Variants in FKBP5 observed in about 807,000 individuals in gnomAD.
FKBP5 encodes the protein peptidyl-prolyl cis-trans isomerase FKBP5.
FKBP5 carries 23 observed loss-of-function variants against 50.5 expected under a neutral mutation model. The observed-to-expected ratio is 0.46, with a 90% CI of 0.33 to 0.65. The LOEUF (loss-of-function observed/expected upper bound fraction) is 0.65, where lower values mean the gene tolerates loss of function less well. FKBP5 is among the 30% of genes least tolerant of loss of function. The pLI is 0.02. For missense variants in FKBP5, 411 were observed against 553.1 expected (o/e 0.74, Z 2.58); for synonymous variants, 176 against 190.6 (o/e 0.92, Z 0.63).
intron 6 of FKBP5, 128 bp downstream of exon 6, chr6:35,597,120 C>A (rs1763003481): frequency 2.1e-6 from 2 of 973,338 alleles, no homozygotes; most frequent in East Asian, 4.8e-5. Flanking sequence ...TGACTAACTG[C>A]AGCCTGATTT....
intron 1 of FKBP5, among the ~76,000 whole-genome samples, chr6:35,728,007 A>C (rs1324356906): frequency 2.0e-5 from 3 of 152,146 alleles, no homozygotes; most frequent in Non-Finnish European, 4.4e-5. Flanking sequence ...GTGCAATCGC[A>C]TGGTTGCGGC....
At chr6:35,727,416 GT>G (rs1766737049) in intron 1 of FKBP5, among the ~76,000 whole-genome samples, 1 of 152,156 alleles carries the variant, frequency 6.6e-6, no homozygotes, top group African/African-American at 2.4e-5. Flanking sequence ...GTTTGGGGTC[GT>G]CTTCCTTGGC....
chr6:35,719,607 C>CT (rs142859908), intron 2 of FKBP5, among the ~76,000 whole-genome samples: 3,134 of 152,314 alleles, frequency 0.021, 88 homozygotes, highest in African/African-American at 0.065. Flanking sequence ...CCTGGTGCCC[C>CT]TGTGTAGTCC....
At chr6:35,610,068 A>G (rs984674352) in intron 5 of FKBP5, among the ~76,000 whole-genome samples, 1 of 152,104 alleles carries the variant, frequency 6.6e-6, no homozygotes, top group Non-Finnish European at 1.5e-5. Flanking sequence ...AAGCAGTTGG[A>G]TATGTTTCCA....
chr6:35,585,773 T>TATAACATATTGC (rs1173911408), intron 8 of FKBP5: 1 of 985,168 alleles, frequency 1.0e-6, no homozygotes, highest in African/African-American at 1.7e-5. Flanking sequence ...AACTGATCCT[T>TATAACATATTGC]ATAACATATT....
chr6:35,705,258 ATTTTTTTT>A (rs199875825), intron 2 of FKBP5, among the ~76,000 whole-genome samples: 159 of 7,516 alleles, frequency 0.021, no homozygotes, highest in Middle Eastern at 0.17. Flanking sequence ...ATATATATAT[ATTTTTTTT>A]TTTTTTTTTT....
Position 35,626,186 on chromosome 6 carries a change from A to G in FKBP5, c.251-5912T>C, listed in dbSNP as rs1176110254. ...ATTTGTAATAAAATATAAAACAAGA[A>G]TATATATGTATACAAATGTATAATA... On this transcript the variant is annotated intron_variant, in intron 3 of 10. Coordinates refer to ENST00000357266, the MANE Select transcript of FKBP5 (RefSeq NM_004117.4). Among the ~76,000 whole-genome samples, 8 of 152,326 alleles carry G rather than the reference A, an allele frequency of 5.3e-5. No individual in the cohort carries two copies. In the South Asian group the frequency reaches 1.2e-3, roughly 24 times the overall value.
In FKBP5 at chr6:35,704,800, T is replaced by C. The variant is rs549263014; in HGVS notation, c.-20+15528A>G. ...CTATGAAAATTCTGAAAAAGAATTA[T>C]AGCCCTACCAGAGATGATAACATAG... On this transcript the variant is annotated intron_variant, in intron 2 of 11. Coordinates refer to the FKBP5 transcript ENST00000536438. 2.6e-5 allele frequency among the ~76,000 whole-genome samples: 4 copies of C among 152,216 alleles called. No homozygotes were observed. In the East Asian group the frequency reaches 5.8e-4, roughly 22 times the overall value.
In FKBP5 at chr6:35,575,733, C is replaced by G. The variant is rs1288141694; in HGVS notation, c.*102G>C. On this transcript the variant is annotated 3_prime_UTR_variant, in exon 11 of 11. Transcript: ENST00000357266. ...CCATTTGCTTCCAGAATCACATAGA[C>G]TATAACAAACTTTACATTAAACACT... 1.2e-5 allele frequency: 10 copies of G among 849,236 alleles called. No homozygotes were observed. The highest frequency in any genetic ancestry group is 2.0e-5 in the Non-Finnish European group (10 of 500,350). The allele number at this position is 849,236 out of a possible 1,614,324, so 52.6% of individuals were successfully genotyped here.
At chr6:35,618,863 T>G (rs916179923) in intron 5 of FKBP5, among the ~76,000 whole-genome samples, 1 of 151,356 alleles carries the variant, frequency 6.6e-6, no homozygotes, top group Non-Finnish European at 1.5e-5. Flanking sequence ...CCTGGCTAGT[T>G]TTTTGTATTT....
At chr6:35,658,195 T>C (rs1259126970) in intron 1 of FKBP5, among the ~76,000 whole-genome samples, 2 of 151,648 alleles carry the variant, frequency 1.3e-5, no homozygotes, top group African/African-American at 4.8e-5. Context: ...GCTAACACGG[T>C]GAAACCCCAT....
Position 35,721,517 on chromosome 6 carries a change from A to T in FKBP5, c.-240-969T>A, listed in dbSNP as rs1367361487. 2.6e-5 allele frequency among the ~76,000 whole-genome samples: 4 copies of T among 151,752 alleles called. No homozygotes were observed. The East Asian group carries it at 7.8e-4, about 29-fold the overall frequency. On this transcript the variant is annotated intron_variant, in intron 1 of 11. Coordinates refer to the FKBP5 transcript ENST00000536438. ...ATTGCCCAGGCTGGAGTGCAATGGC[A>T]TGCTTTCGGCTCACCACAACCTCCG...
intron 5 of FKBP5, among the ~76,000 whole-genome samples, chr6:35,612,628 G>C (rs1763524329): frequency 1.3e-5 from 2 of 152,162 alleles, no homozygotes; most frequent in African/African-American, 4.8e-5. Context: ...CACATGGCTG[G>C]GGAAGCCTCA....
chr6:35,717,158 C>T (rs977415296), intron 2 of FKBP5, among the ~76,000 whole-genome samples: 8 of 152,210 alleles, frequency 5.3e-5, no homozygotes, highest in Non-Finnish European at 1.2e-4. Context: ...CCCACAGGGC[C>T]ATCAGTAGGA....
At chr6:35,689,603 A>T (rs1765943991), upstream of FKBP5, among the ~76,000 whole-genome samples, 1 of 151,558 alleles carries the variant, frequency 6.6e-6, no homozygotes, top group Non-Finnish European at 1.5e-5. Flanking sequence ...AGCACTTTGG[A>T]AGGCCGAGGT....
At chr6:35,687,787 G>GT (rs1765872921) in intron 1 of FKBP5, among the ~76,000 whole-genome samples, 1 of 152,132 alleles carries the variant, frequency 6.6e-6, no homozygotes, top group Non-Finnish European at 1.5e-5. Flanking sequence ...ACACTGAAGG[G>GT]TATCTACAAT....
At chr6:35,627,620 A>G (rs1265162380) in intron 3 of FKBP5, among the ~76,000 whole-genome samples, 1 of 152,102 alleles carries the variant, frequency 6.6e-6, no homozygotes, top group Non-Finnish European at 1.5e-5. Flanking sequence ...ATTTTGATGT[A>G]TTCTAATTTA....
intron 8 of FKBP5, chr6:35,582,597 G>GACTT (rs1762470804): frequency 1.1e-6 from 1 of 892,526 alleles, no homozygotes; most frequent in Non-Finnish European, 1.3e-6. Flanking sequence ...CTTGATCTGG[G>GACTT]ACTTACAGTC....
chr6:35,579,881 T>C (rs191477241), intron 9 of FKBP5, among the ~76,000 whole-genome samples, 155 bp downstream of exon 9: 33 of 152,262 alleles, frequency 2.2e-4, no homozygotes, highest in Admixed American at 1.2e-3. Flanking sequence ...AATTTCCCAA[T>C]TCATACTGAG....
Sources: allele counts gnomAD v4.1 joint callset (sites outside exome capture counted in the v4.1 genomes callset), GRCh38; gene constraint gnomAD v4.1.1; transcripts MANE v1.5; gene names NCBI Gene and HGNC (gene_info 2026-07-23, HGNC 2026-07-21).